The following MCF2L variants were observed in gnomAD, a reference collection of about 807,000 sequenced individuals.
The protein encoded by MCF2L is MCF.2 cell line derived transforming sequence like, also known as guanine nucleotide exchange factor DBS.
MCF2L carries 97 observed loss-of-function variants against 153.4 expected under a neutral mutation model. The observed-to-expected ratio is 0.63, with a 90% CI of 0.54 to 0.75. The LOEUF is 0.75. Among genes scored for constraint, MCF2L ranks in the 30% least tolerant of loss-of-function variants. The probability of loss-of-function intolerance (pLI) is 0.00; values close to 1 mark genes in which losing one functional copy is unlikely to be tolerated. For synonymous variants in MCF2L, 659 were observed against 632.2 expected, an observed-to-expected ratio of 1.04 and a Z score of -0.64; for missense variants, 1,347 against 1,495.2, an observed-to-expected ratio of 0.90 and a Z score of 1.64.
In MCF2L at chr13:113,013,029, A is replaced by G. The variant is rs187582614; in HGVS notation, c.80-1734A>G. Among the ~76,000 whole-genome samples, 52 of 152,122 alleles carry G rather than the reference A, an allele frequency of 3.4e-4. No homozygotes were observed. The East Asian group carries it at 6.0e-3, about 18-fold the overall frequency. On this transcript the variant is annotated intron_variant, in intron 1 of 29. Coordinates refer to ENST00000535094, the MANE Select transcript of MCF2L (RefSeq NM_001112732.3). ...ACGGTGCCCCCACGGTCTGTGAGGC[A>G]GGCAGGGGATTGAGGACAGTGCCTC...
chr13:112,995,549 G>T (rs1279616996), intron 1 of MCF2L, among the ~76,000 whole-genome samples: 1 of 152,212 alleles, frequency 6.6e-6, no homozygotes, highest in Non-Finnish European at 1.5e-5. Context: ...TGGCGGCCGA[G>T]GTGGGGTCGG....
chr13:112,996,869 C>G (rs1443710585), intron 1 of MCF2L, among the ~76,000 whole-genome samples: 1 of 152,222 alleles, frequency 6.6e-6, no homozygotes, highest in Non-Finnish European at 1.5e-5. Context: ...TGAGCCCCTG[C>G]CTAGGATCCT....
chr13:113,077,481 G>A (rs1421080599), intron 13 of MCF2L, among the ~76,000 whole-genome samples: 1 of 152,204 alleles, frequency 6.6e-6, no homozygotes. Context: ...TTTCCATGAG[G>A]CTGGCAGGGT....
Position 113,074,104 on chromosome 13 carries a change from G to A in MCF2L, c.997-340G>A, listed in dbSNP as rs764308604. ...AGTGTCCATATTGCTGCTGGCTTTC[G>A]GCTCCCAGGGCCTTTGTCCTTGCGT... On this transcript the variant is annotated intron_variant, in intron 9 of 29. Transcript: ENST00000535094. This position sits in a 1 kb window ranked among gnomAD's most constrained non-coding sequence, Gnocchi z 4.2. Among the ~76,000 whole-genome samples, 9 of 152,178 alleles carry A rather than the reference G, an allele frequency of 5.9e-5. No homozygotes were observed. In the East Asian group the frequency reaches 1.2e-3, roughly 20 times the overall value.
intron 27 of MCF2L, chr13:113,096,079 G>C (rs964435108): frequency 3.8e-6 from 2 of 529,368 alleles, no homozygotes; most frequent in East Asian, 3.5e-5. Context: ...TCCGGGAGGC[G>C]GGTATGCAGG....
chr13:113,013,976 AGTGCTCCCAGCTGGTGCTGGCCCC>A (rs1479075093), intron 1 of MCF2L, among the ~76,000 whole-genome samples: 7 of 148,382 alleles, frequency 4.7e-5, no homozygotes, highest in African/African-American at 1.8e-4. Flanking sequence ...ATGCTGGCCT[AGTGCTCCCAGCTGGTGCTGGCCCC>A]GTGCTCCTGG....
At chr13:113,038,533 T>C (rs2086286577) in intron 3 of MCF2L, among the ~76,000 whole-genome samples, 1 of 151,882 alleles carries the variant, frequency 6.6e-6, no homozygotes, top group African/African-American at 2.4e-5. Context: ...AGTTCACAGA[T>C]TAGAAGACAA....
intron 2 of MCF2L, among the ~76,000 whole-genome samples, chr13:112,963,114 G>T (rs539046345): frequency 6.6e-6 from 1 of 152,152 alleles, no homozygotes; most frequent in Non-Finnish European, 1.5e-5. Context: ...CTTCTCTCAT[G>T]CCTGGCTCGG....
At chr13:112,930,734 C>T (rs543265977) in intron 2 of MCF2L, among the ~76,000 whole-genome samples, 15 of 152,074 alleles carry the variant, frequency 9.9e-5, no homozygotes, top group African/African-American at 3.1e-4. Flanking sequence ...GTCAGGAGTT[C>T]GAGACCAGCC....
chr13:112,957,536 TCGCCAGATAGACGCCAGATAGA>T (rs754953732), intron 2 of MCF2L: 1 of 152,104 alleles, frequency 6.6e-6, no homozygotes, highest in Non-Finnish European at 1.5e-5. Context: ...CCGCGCCTCC[TCGCCAGATAGACGCCAGATAGA>T]CGCCAGATAG....
At chr13:112,961,426 T>C (rs1394034268) in intron 2 of MCF2L, among the ~76,000 whole-genome samples, 1 of 152,128 alleles carries the variant, frequency 6.6e-6, no homozygotes, top group Non-Finnish European at 1.5e-5. Context: ...TCCCCAGGGG[T>C]AATCGTGCAG....
At chr13:112,988,458 G>T (rs9577409) in intron 1 of MCF2L, among the ~76,000 whole-genome samples, 1 of 152,190 alleles carries the variant, frequency 6.6e-6, no homozygotes, top group East Asian at 1.9e-4. Flanking sequence ...TTTAATTCTC[G>T]GCAGCTCTGT....
intron 1 of MCF2L, among the ~76,000 whole-genome samples, chr13:112,970,697 G>A (rs941217762): frequency 1.3e-5 from 2 of 152,126 alleles, no homozygotes; most frequent in Admixed American, 1.3e-4. Context: ...CAGAGTCACA[G>A]AGTGGGAACC....
intron 4 of MCF2L, among the ~76,000 whole-genome samples, chr13:113,058,607 G>C (rs2030730653): frequency 6.6e-6 from 1 of 151,482 alleles, no homozygotes; most frequent in South Asian, 2.1e-4. Context: ...GGTGCTGAGT[G>C]TTTAGTTGCT....
At chr13:113,077,012 C>A in intron 12 of MCF2L, 40 bp from the exon 13 acceptor site, 1 of 1,576,050 alleles carries the variant, frequency 6.3e-7, no homozygotes, top group South Asian at 1.2e-5. Flanking sequence ...AGTGATGACA[C>A]CAACATGTGC....
chr13:113,064,204 G>T lies in MCF2L; in HGVS notation c.490-100G>T. The T allele has an allele frequency of 5.8e-6, 5 of 866,264 alleles. No individual in the cohort carries two copies. The highest frequency in any genetic ancestry group is 9.7e-6 in the Non-Finnish European group (5 of 515,370). 53.7% of individuals were successfully genotyped at this position (866,264 alleles called of 1,614,324 possible). A position where few individuals can be genotyped will look rare whatever the true frequency, so the allele number is the denominator to read the frequency against. On this transcript the variant is annotated intron_variant, in intron 5 of 29. Coordinates refer to ENST00000535094, the MANE Select transcript of MCF2L (RefSeq NM_001112732.3). The surrounding 1 kb of genome is among the most constrained non-coding windows in gnomAD (Gnocchi z 6.0). ...AGCCGCCCGCAGCATCCAGGCAGAC[G>T]TGGTCCTCTCTGTGCTGCTGGGTGT...
chr13:113,026,588 C>T (rs918334430), intron 3 of MCF2L, among the ~76,000 whole-genome samples: 3 of 152,172 alleles, frequency 2.0e-5, no homozygotes, highest in Non-Finnish European at 4.4e-5. Context: ...CAGAGTTCTG[C>T]GGTGCGAGGG....
intron 1 of MCF2L, among the ~76,000 whole-genome samples, chr13:112,897,334 T>G (rs1247682892): frequency 2.0e-5 from 3 of 151,630 alleles, no homozygotes; most frequent in Non-Finnish European, 4.4e-5. Context: ...GAGCCCAGCA[T>G]GAACCGGACT....
rs532133361 is a variant in MCF2L at position 113,018,896 on chromosome 13, A to G, written c.163+4050A>G. ...GGGAATTTCGTTTTGCTTTTACGGG[A>G]ATGTGGCATGGTCAGCGGTGGCCAT... On this transcript the variant is annotated intron_variant, in intron 2 of 29. Transcript: ENST00000535094. Among the ~76,000 whole-genome samples the G allele has an allele frequency of 2.0e-5, 3 of 152,234 alleles. No homozygotes were observed. In the East Asian group the frequency reaches 5.8e-4, roughly 29 times the overall value.
Sources: gnomAD v4.1 joint callset for allele counts (sites outside exome capture counted in the v4.1 genomes callset) on GRCh38, gnomAD v4.1.1 for gene constraint, Gnocchi (gnomAD v3.1) non-coding constraint, MANE v1.5 for transcripts, NCBI Gene and HGNC (gene_info 2026-07-23, HGNC 2026-07-21) for gene names.